The following GADL1 variants were observed in gnomAD, a reference collection of about 807,000 sequenced individuals.
GADL1 encodes acidic amino acid decarboxylase GADL1.
Under a neutral mutation model 69.5 loss-of-function variants are expected in GADL1, and 71 were observed. The observed-to-expected ratio is 1.02, with a 90% CI of 0.84 to 1.25. The LOEUF (loss-of-function observed/expected upper bound fraction) is 1.25, where lower values mean the gene tolerates loss of function less well. Ranked by LOEUF, GADL1 falls within the 50% of genes most tolerant of loss-of-function variation. The pLI, the probability that GADL1 is intolerant of heterozygous loss-of-function variation, is 0.00. For synonymous variants in GADL1, 254 were observed against 214.4 expected, an observed-to-expected ratio of 1.18 and a Z score of -1.62; for missense variants, 737 against 631.8, an observed-to-expected ratio of 1.17 and a Z score of -1.79.
chr3:30,771,701 A>C (rs1370322030), intron 14 of GADL1, among the ~76,000 whole-genome samples: 1 of 152,218 alleles, frequency 6.6e-6, no homozygotes, highest in Non-Finnish European at 1.5e-5. Flanking sequence ...CTTTAAAGAC[A>C]CAGGTGCTTT....
At chr3:30,890,628 A>T (rs1698774103) in intron 1 of GADL1, among the ~76,000 whole-genome samples, 1 of 152,198 alleles carries the variant, frequency 6.6e-6, no homozygotes, top group Non-Finnish European at 1.5e-5. Context: ...CCTAAAACTG[A>T]AAGCCCAAAT....
At chr3:30,770,757 G>A (rs1696398083) in intron 14 of GADL1, among the ~76,000 whole-genome samples, 2 of 152,084 alleles carry the variant, frequency 1.3e-5, no homozygotes, top group Non-Finnish European at 2.9e-5. Context: ...TAATTTTCAA[G>A]AGATAGGCTA....
intron 11 of GADL1, among the ~76,000 whole-genome samples, chr3:30,826,556 C>T (rs1480771448): frequency 6.6e-6 from 1 of 151,822 alleles, no homozygotes; most frequent in East Asian, 1.9e-4. Context: ...ATCAGTAAGA[C>T]CAGGTGGCAG....
chr3:30,745,834 T>C (rs1695694598), intron 14 of GADL1, among the ~76,000 whole-genome samples: 1 of 152,152 alleles, frequency 6.6e-6, no homozygotes, highest in African/African-American at 2.4e-5. Context: ...GATTTAACGT[T>C]TAAAATTTAT....
intron 12 of GADL1, among the ~76,000 whole-genome samples, chr3:30,788,070 A>G (rs17350388): frequency 0.23 from 35,001 of 152,144 alleles, 4,732 homozygotes; most frequent in Non-Finnish European, 0.3. Flanking sequence ...AAAGTACCAG[A>G]TGTTCTACAT....
rs901552474 is a variant in GADL1, at chr3:30,830,984, GCC to G, written c.1050+2867_1050+2868del. The stretch of plus-strand genomic sequence containing the variant: ...ATAATTGATAATAATTGATAATTGA[GCC>G]CTGTCTAATTGATAGCTAAAATGTA... On this transcript the variant is annotated intron_variant, in intron 11 of 14. Coordinates refer to ENST00000282538, the MANE Select transcript of GADL1 (RefSeq NM_207359.3). Among the ~76,000 whole-genome samples, 62 of 138,248 alleles carry G rather than the reference GCC, an allele frequency of 4.5e-4. 1 individual carries two copies. Among genetic ancestry groups the G allele is most frequent in the African/African-American group, 1.7e-3 (59 of 33,954 alleles). 90.7% of individuals were successfully genotyped at this position (138,248 alleles called of 152,430 possible). A position where few individuals can be genotyped will look rare whatever the true frequency, so the allele number is the denominator to read the frequency against.
At position 30,844,255 on chromosome 3, in the gene GADL1, C is replaced by T. The variant is rs1359116959; in HGVS notation, c.741G>A (p.Met247Ile). The T allele has an allele frequency of 6.2e-7, 1 of 1,612,052 alleles. No homozygotes were observed. Among genetic ancestry groups the T allele is most frequent in the South Asian group, 1.1e-5 (1 of 90,692 alleles). The change falls in exon 8 of 15, where the codon ATG becomes ATA. Residue 247 changes from methionine (M) to isoleucine (I), a missense_variant. Coordinates refer to ENST00000282538, the MANE Select transcript of GADL1 (RefSeq NM_207359.3). ...CFVETDGRGK[M>I]IPEELEKQVW... is the part of the protein sequence containing the mutation. ...CTTGCTTCTCCAGTTCCTCAGGTAT[C>T]ATTTTACCTCTAAGGGACAAAGATT...
At position 30,727,019 on chromosome 3, in the gene GADL1, G is replaced by A. The variant is rs1267720926; in HGVS notation, c.*1223C>T. The A allele has an allele frequency of 2.6e-5, 4 of 151,872 alleles. No homozygotes were observed. The highest frequency in any genetic ancestry group is 9.7e-5 in the African/African-American group (4 of 41,136). 9.4% of individuals were successfully genotyped at this position (151,872 alleles called of 1,614,324 possible). A position where few individuals can be genotyped will look rare whatever the true frequency, so the allele number is the denominator to read the frequency against. The stretch of plus-strand genomic sequence containing the variant: ...ACTTCATTGTGTTTATTCCCTATGA[G>A]GCACAGAGCAAGATAATAAACAAGC... On this transcript the variant is annotated 3_prime_UTR_variant, in exon 15 of 15. Coordinates refer to ENST00000282538, the MANE Select transcript of GADL1 (RefSeq NM_207359.3).
rs781047020 is a variant in GADL1, at chr3:30,833,986, C to T, written c.969-52G>A. The T allele has an allele frequency of 4.8e-6, 6 of 1,249,818 alleles. No homozygotes were observed. In the Admixed American group the frequency reaches 1.0e-4, roughly 21 times the overall value. 77.4% of individuals were successfully genotyped at this position (1,249,818 alleles called of 1,614,324 possible). A position where few individuals can be genotyped will look rare whatever the true frequency, so the allele number is the denominator to read the frequency against. On this transcript the variant is annotated intron_variant, in intron 10 of 14. Transcript: ENST00000282538. ...AGGGAGAGGACTCAATTAGTTTCTA[C>T]AGGCAATGGAATACTATCATTATCA...
chr3:30,758,141 T>A (rs888896019), intron 14 of GADL1, among the ~76,000 whole-genome samples: 2 of 149,690 alleles, frequency 1.3e-5, no homozygotes, highest in Non-Finnish European at 2.9e-5. Context: ...ACCAAACTAC[T>A]CTCTCCAACC....
intron 11 of GADL1, among the ~76,000 whole-genome samples, chr3:30,813,320 A>G (rs1314383494): frequency 6.6e-6 from 1 of 152,210 alleles, no homozygotes; most frequent in African/African-American, 2.4e-5. Context: ...AAATATATTT[A>G]TTAACACAGG....
chr3:30,768,410 AAG>A (rs1419261390), intron 14 of GADL1, among the ~76,000 whole-genome samples: 3 of 150,952 alleles, frequency 2.0e-5, no homozygotes, highest in African/African-American at 7.4e-5. Context: ...GGGATGAGGA[AAG>A]AGACAGTGAA....
Position 30,728,021 on chromosome 3 carries a change from C to A in GADL1, c.*221G>T, listed in dbSNP as rs1440295265. The A allele has an allele frequency of 4.8e-6, 2 of 412,978 alleles. No homozygotes were observed. The highest frequency in any genetic ancestry group is 8.8e-6 in the Non-Finnish European group (2 of 228,316). 25.6% of individuals were successfully genotyped at this position (412,978 alleles called of 1,614,324 possible). A position where few individuals can be genotyped will look rare whatever the true frequency, so the allele number is the denominator to read the frequency against. On this transcript the variant is annotated 3_prime_UTR_variant, in exon 15 of 15. Coordinates refer to ENST00000282538, the MANE Select transcript of GADL1 (RefSeq NM_207359.3). ...TTCCAGGGGCATTCCTTGAGAAAAT[C>A]ATTTTTTTTTTTAAACTTTCTTCTT...
chr3:30,867,459 T>TATATATATACAC (rs1698421048), intron 1 of GADL1, among the ~76,000 whole-genome samples: 1 of 147,472 alleles, frequency 6.8e-6, no homozygotes, highest in South Asian at 2.1e-4. Context: ...TGTATATATA[T>TATATATATACAC]ACATATATAT....
chr3:30,767,346 GA>G (rs1696305646), intron 14 of GADL1, among the ~76,000 whole-genome samples: 1 of 152,168 alleles, frequency 6.6e-6, no homozygotes, highest in Non-Finnish European at 1.5e-5. Flanking sequence ...CAGGAGGATA[GA>G]GTATTAGCAG....
At position 30,892,010 on chromosome 3, in the gene GADL1, A is replaced by T. The variant is rs113170304; in HGVS notation, c.37+2568T>A. On this transcript the variant is annotated intron_variant, in intron 1 of 14. Coordinates refer to ENST00000282538, the MANE Select transcript of GADL1 (RefSeq NM_207359.3). ...CTAGAGTTTTACTTCTCTTTTAAACATGTTTTAACAAGAATCAAAGCTATT... is the reference window on the plus strand; with the variant it reads ...CTAGAGTTTTACTTCTCTTTTAAACTTGTTTTAACAAGAATCAAAGCTATT... Among the ~76,000 whole-genome samples, 445 of 152,354 alleles carry T rather than the reference A, an allele frequency of 2.9e-3. 5 individuals are homozygous for T. The highest frequency in any genetic ancestry group is 9.5e-3 in the African/African-American group (395 of 41,590).
At chr3:30,751,501 C>T (rs1160586308) in intron 14 of GADL1, among the ~76,000 whole-genome samples, 1 of 150,694 alleles carries the variant, frequency 6.6e-6, no homozygotes, top group Non-Finnish European at 1.5e-5. Flanking sequence ...AGAACCTGGG[C>T]AACTAGATCT....
At chr3:30,889,394 A>G (rs1698755104) in intron 1 of GADL1, among the ~76,000 whole-genome samples, 1 of 152,210 alleles carries the variant, frequency 6.6e-6, no homozygotes, top group African/African-American at 2.4e-5. Context: ...AGACAAAGAA[A>G]TGATATTCAA....
chr3:30,767,973 T>TTAA (rs1355144706), intron 14 of GADL1, among the ~76,000 whole-genome samples: 3 of 146,542 alleles, frequency 2.0e-5, no homozygotes, highest in Non-Finnish European at 4.4e-5. Context: ...CTACCAACAA[T>TTAA]TAATAAATAT....
Sources: allele counts gnomAD v4.1 joint callset (sites outside exome capture counted in the v4.1 genomes callset), GRCh38; gene constraint gnomAD v4.1.1; transcripts MANE v1.5; gene names NCBI Gene and HGNC (gene_info 2026-07-23, HGNC 2026-07-21).